Variants in CSMD1 observed in about 807,000 individuals in gnomAD.
CSMD1 encodes CUB and Sushi multiple domains 1.
In CSMD1, 213 loss-of-function variants were observed where a neutral mutation model predicts 417.5. The observed-to-expected ratio is 0.51, with a 90% CI of 0.46 to 0.57. CSMD1 has a LOEUF of 0.57. Among genes scored for constraint, CSMD1 ranks in the 20% least tolerant of loss-of-function variants. The probability of loss-of-function intolerance (pLI) is 0.00; values close to 1 mark genes in which losing one functional copy is unlikely to be tolerated. For missense variants in CSMD1, 6,923 were observed against 4,529.7 expected, an observed-to-expected ratio of 1.53 and a Z score of -15.17; for synonymous variants, 2,862 against 1,736.8, an observed-to-expected ratio of 1.65 and a Z score of -16.11.
At chr8:3,465,630 C>T (rs534610282) in intron 12 of CSMD1, among the ~76,000 whole-genome samples, 2 of 152,046 alleles carry the variant, frequency 1.3e-5, no homozygotes, top group South Asian at 4.2e-4. Flanking sequence ...TGAGGGTCCC[C>T]GAAATATTTT....
intron 53 of CSMD1, 25 bp downstream of exon 53, chr8:2,999,933 A>ATT: frequency 4.4e-6 from 7 of 1,579,490 alleles, no homozygotes; most frequent in Non-Finnish European, 6.0e-6. Context: ...GCATCGATGA[A>ATT]TTCGTCCACA....
At chr8:3,875,941 G>C (rs77503237) in intron 5 of CSMD1, among the ~76,000 whole-genome samples, 17 of 152,234 alleles carry the variant, frequency 1.1e-4, no homozygotes, top group African/African-American at 3.9e-4. Context: ...TGGGAAGCTC[G>C]GAGGCAAATT....
chr8:4,132,278 G>A (rs765202501), intron 3 of CSMD1, among the ~76,000 whole-genome samples: 5 of 149,390 alleles, frequency 3.3e-5, no homozygotes, highest in Admixed American at 2.7e-4. Flanking sequence ...TTTTATCCAA[G>A]GTGATGTTTA....
intron 5 of CSMD1, among the ~76,000 whole-genome samples, chr8:3,989,322 G>C (rs1276994638): frequency 2.6e-5 from 4 of 152,168 alleles, no homozygotes; most frequent in Non-Finnish European, 5.9e-5. Context: ...TCAAACCGAG[G>C]TCTGAATCAG....
intron 3 of CSMD1, among the ~76,000 whole-genome samples, chr8:4,248,745 C>T (rs1386029069): frequency 6.6e-6 from 1 of 152,142 alleles, no homozygotes; most frequent in East Asian, 1.9e-4. Flanking sequence ...ACTGACATTA[C>T]ATTACACTTA....
At chr8:4,785,149 A>T (rs1276382504) in intron 1 of CSMD1, among the ~76,000 whole-genome samples, 3 of 152,212 alleles carry the variant, frequency 2.0e-5, no homozygotes, top group Non-Finnish European at 4.4e-5. Flanking sequence ...AAAAGATAGC[A>T]TGTTTCCATA....
intron 5 of CSMD1, among the ~76,000 whole-genome samples, chr8:3,789,842 C>T (rs556798511): frequency 7.9e-5 from 12 of 151,160 alleles, no homozygotes; most frequent in African/African-American, 2.9e-4. Context: ...CACCATTCTC[C>T]TGCCTCAGCC....
intron 25 of CSMD1, among the ~76,000 whole-genome samples, chr8:3,299,413 T>C (rs535865931): frequency 1.3e-5 from 2 of 152,168 alleles, no homozygotes; most frequent in Non-Finnish European, 2.9e-5. Flanking sequence ...GATCACGCTA[T>C]TGCACTCCAG....
At chr8:4,314,433 T>G (rs962420694) in intron 3 of CSMD1, among the ~76,000 whole-genome samples, 1 of 152,130 alleles carries the variant, frequency 6.6e-6, no homozygotes, top group Non-Finnish European at 1.5e-5. Context: ...CAGGAAGCAG[T>G]ATGGGGTGTT....
At chr8:3,315,366 T>A (rs1160313554) in intron 23 of CSMD1, among the ~76,000 whole-genome samples, 3 of 151,586 alleles carry the variant, frequency 2.0e-5, no homozygotes, top group Non-Finnish European at 4.4e-5. Context: ...GATTATTTCC[T>A]GAAATGTGTG....
At chr8:4,544,241 G>C (rs1056473838) in intron 2 of CSMD1, among the ~76,000 whole-genome samples, 2 of 152,006 alleles carry the variant, frequency 1.3e-5, no homozygotes, top group South Asian at 2.1e-4. Context: ...TGGTTATATA[G>C]TCTCGCATTT....
At chr8:3,358,306 C>T (rs1421664154) in intron 21 of CSMD1, among the ~76,000 whole-genome samples, 1 of 152,154 alleles carries the variant, frequency 6.6e-6, no homozygotes, top group Non-Finnish European at 1.5e-5. Context: ...TGACATTAGT[C>T]AGTTTTCTGT....
intron 3 of CSMD1, among the ~76,000 whole-genome samples, chr8:4,159,604 T>C (rs1412877881): frequency 5.9e-5 from 9 of 152,168 alleles, no homozygotes; most frequent in Non-Finnish European, 7.3e-5. Flanking sequence ...TTATTATTAT[T>C]GTGAGACAGA....
intron 5 of CSMD1, among the ~76,000 whole-genome samples, chr8:3,778,242 GCT>G (rs1384513760): frequency 6.6e-6 from 1 of 152,206 alleles, no homozygotes; most frequent in Non-Finnish European, 1.5e-5. Context: ...ACTATTTTCT[GCT>G]CTGACATTTG....
intron 66 of CSMD1, 132 bp downstream of exon 66, chr8:2,950,982 A>G: frequency 8.9e-6 from 7 of 790,380 alleles, no homozygotes; most frequent in East Asian, 5.7e-5. Context: ...AGAGGCTCCA[A>G]TGAGTTACAG....
intron 4 of CSMD1, among the ~76,000 whole-genome samples, chr8:4,000,133 C>T (rs548792118): frequency 5.8e-4 from 88 of 152,244 alleles, no homozygotes; most frequent in South Asian, 8.3e-4. Flanking sequence ...ACTGTGCAAG[C>T]ACACACACTT....
At chr8:3,085,191 T>C (rs1345512693) in intron 49 of CSMD1, among the ~76,000 whole-genome samples, 1 of 152,168 alleles carries the variant, frequency 6.6e-6, no homozygotes, top group Admixed American at 6.5e-5. Flanking sequence ...CCTTAACTTT[T>C]ATGTGTTTCA....
rs200463703 is a variant in CSMD1, at chr8:3,029,433, C to T, written c.7741G>A (p.Gly2581Ser). Residue 2581 changes from glycine to serine, a missense_variant, in exon 51 of 70, where the codon GGT becomes AGT. Coordinates refer to ENST00000635120, the MANE Select transcript of CSMD1 (RefSeq NM_033225.6). ...CTGCAGCTCAGCAATACTTGAGCACCGTACTCATTCAAGGATCCTGAAACC... is the reference window on the plus strand; with the variant it reads ...CTGCAGCTCAGCAATACTTGAGCACTGTACTCATTCAAGGATCCTGAAACC... Reference protein sequence around the residue: ...RLVSGSLNEYGAQVLLSCSPG... With the variant: ...RLVSGSLNEYSAQVLLSCSPG... 4.8e-5 allele frequency: 78 copies of T among 1,610,204 alleles called. No homozygotes were observed. Among genetic ancestry groups the T allele is most frequent in the East Asian group, 2.0e-4 (9 of 44,766 alleles).
chr8:4,083,650 G>A (rs1800263423), intron 3 of CSMD1, among the ~76,000 whole-genome samples: 1 of 152,116 alleles, frequency 6.6e-6, no homozygotes, highest in African/African-American at 2.4e-5. Flanking sequence ...GTAGAAAGCT[G>A]AAACTGGATC....
Sources: allele counts gnomAD v4.1 joint callset (sites outside exome capture counted in the v4.1 genomes callset), GRCh38; gene constraint gnomAD v4.1.1; transcripts MANE v1.5; gene names NCBI Gene and HGNC (gene_info 2026-07-23, HGNC 2026-07-21).